FBLN1: variants seen among roughly 807,000 people sequenced by gnomAD.
The protein encoded by FBLN1 is fibulin-1.
Under a neutral mutation model 89.7 loss-of-function variants are expected in FBLN1, and 34 were observed. The ratio of observed to expected loss-of-function variants is 0.38; its 90% confidence interval spans 0.29 to 0.50. The LOEUF (loss-of-function observed/expected upper bound fraction) is 0.50. Among genes scored for constraint, FBLN1 ranks in the 20% least tolerant of loss-of-function variants. The pLI is 0.92. For missense variants in FBLN1, 777 were observed against 988.1 expected (o/e 0.79, Z 2.86); for synonymous variants, 393 against 391.3 (o/e 1.00, Z -0.05).
intron 2 of FBLN1, among the ~76,000 whole-genome samples, chr22:45,522,559 C>A (rs2146955595): frequency 6.6e-6 from 1 of 152,288 alleles, no homozygotes. Flanking sequence ...CTCTCCGCAA[C>A]CATGGGCTGT....
intron 3 of FBLN1, 98 bp downstream of exon 3, chr22:45,525,776 C>A: frequency 6.9e-7 from 1 of 1,458,990 alleles, no homozygotes; most frequent in Middle Eastern, 1.9e-4. Context: ...GCGCTCCCTG[C>A]CTCAGGCCAC....
intron 14 of FBLN1, among the ~76,000 whole-genome samples, chr22:45,570,493 A>G (rs1355073659): frequency 6.6e-6 from 1 of 152,086 alleles, no homozygotes; most frequent in Non-Finnish European, 1.5e-5. Context: ...ATACTAAACT[A>G]GATGGAACAC....
intron 1 of FBLN1, among the ~76,000 whole-genome samples, chr22:45,508,310 C>T (rs189002590): frequency 1.6e-5 from 1 of 63,084 alleles, no homozygotes; most frequent in South Asian, 5.3e-4. Context: ...CGGAGTCTTG[C>T]ACTGTCTGGG....
At chr22:45,528,224 G>A (rs977812124) in intron 4 of FBLN1, among the ~76,000 whole-genome samples, 2 of 152,220 alleles carry the variant, frequency 1.3e-5, no homozygotes, top group East Asian at 1.9e-4. Context: ...CTGGCAGAAC[G>A]CCGCCTTTCC....
At position 45,532,926 on chromosome 22, in the gene FBLN1, G is replaced by A; in HGVS notation, c.545-137G>A. 6.7e-6 allele frequency: 5 copies of A among 741,146 alleles called. No homozygotes were observed. The South Asian group carries it at 7.9e-5, about 12-fold the overall frequency. 45.9% of individuals were successfully genotyped at this position (741,146 alleles called of 1,614,324 possible). ...GGGGTCTCCCAGTAGGGCAGCAGGT[G>A]GGCTCCAGCCAGGTCAGCCTGCCTT... is the stretch of plus-strand genomic sequence containing the variant. On this transcript the variant is annotated intron_variant, in intron 5 of 16. Transcript: ENST00000327858. The surrounding 1 kb of genome is among the most constrained non-coding windows in gnomAD (Gnocchi z 4.2).
chr22:45,586,340 G>T (rs1287546732), intron 16 of FBLN1, among the ~76,000 whole-genome samples: 2 of 152,220 alleles, frequency 1.3e-5, no homozygotes, highest in African/African-American at 4.8e-5. Flanking sequence ...GAGACAGCAT[G>T]GTGGGGAGAG....
At position 45,581,974 on chromosome 22, in the gene FBLN1, G is replaced by A. The variant is rs996963502; in HGVS notation, c.1972+4866G>A. Reference sequence around the variant, plus strand: ...CCTGGGGACCACGGGAGCCACGGGAGGTCTGTGCTGCCCATGGAGCTTCCA... The same window carrying A: ...CCTGGGGACCACGGGAGCCACGGGAAGTCTGTGCTGCCCATGGAGCTTCCA... On this transcript the variant is annotated intron_variant, in intron 16 of 16. Transcript: ENST00000327858. The surrounding 1 kb of genome is among the most constrained non-coding windows in gnomAD (Gnocchi z 7.6). Among the ~76,000 whole-genome samples the A allele has an allele frequency of 6.6e-6, 1 of 152,186 alleles. No individual in the cohort carries two copies. The highest frequency in any genetic ancestry group is 2.4e-5 in the African/African-American group (1 of 41,446).
At position 45,535,308 on chromosome 22, in the gene FBLN1, T is replaced by A. The variant is rs1298580937; in HGVS notation, c.893T>A (p.Phe298Tyr). Reference sequence around the variant, plus strand: ...CCCAAGCTACAGTGCAAGAGTGGCTTTATACAAGATGCTCTAGGCAACTGT... The same window carrying A: ...CCCAAGCTACAGTGCAAGAGTGGCTATATACAAGATGCTCTAGGCAACTGT... ...CRPKLQCKSG[F>Y]IQDALGNCID... The change falls in exon 8 of 17, where the codon TTT (phenylalanine) becomes TAT (tyrosine). Residue 298 changes from phenylalanine to tyrosine, a missense_variant. Physicochemically the swap from Phe to Tyr is conservative, Grantham distance 22. Transcript: ENST00000327858. 6.2e-7 allele frequency: 1 copy of A among 1,614,254 alleles called. No homozygotes were observed. Among genetic ancestry groups the A allele is most frequent in the South Asian group, 1.1e-5 (1 of 91,090 alleles).
chr22:45,541,480 A>T lies in FBLN1; in HGVS notation c.1066+108A>T, dbSNP rs955351983. On this transcript the variant is annotated intron_variant, in intron 9 of 16. Coordinates refer to ENST00000327858, the MANE Select transcript of FBLN1 (RefSeq NM_006486.3). ...TGATCCCCAAAGCAAAGCCATTTCTATCAGCCCATCCATCCCACTGTCAGT... is the reference window on the plus strand; with the variant it reads ...TGATCCCCAAAGCAAAGCCATTTCTTTCAGCCCATCCATCCCACTGTCAGT... 23 of 1,392,512 alleles carry T rather than the reference A, an allele frequency of 1.7e-5. No homozygotes were observed. The South Asian group carries it at 2.7e-4, about 16-fold the overall frequency. The allele number at this position is 1,392,512 out of a possible 1,614,324, so 86.3% of individuals were successfully genotyped here.
intron 16 of FBLN1, among the ~76,000 whole-genome samples, chr22:45,596,928 A>G (rs2089192523): frequency 6.7e-6 from 1 of 149,176 alleles, no homozygotes; most frequent in Non-Finnish European, 1.5e-5. Context: ...TTTTTAATAT[A>G]TTGTTTTATA....
At chr22:45,526,887 C>G (rs1270344788) in intron 3 of FBLN1, among the ~76,000 whole-genome samples, 1 of 152,176 alleles carries the variant, frequency 6.6e-6, no homozygotes, top group South Asian at 2.1e-4. Flanking sequence ...CGGTCCGGCA[C>G]ACAGCTGTGC....
At chr22:45,564,368 C>T (rs2088882571) in intron 14 of FBLN1, among the ~76,000 whole-genome samples, 1 of 152,236 alleles carries the variant, frequency 6.6e-6, no homozygotes, top group African/African-American at 2.4e-5. Flanking sequence ...GGGTTAAGGC[C>T]TCCAGATCCT....
intron 1 of FBLN1, among the ~76,000 whole-genome samples, chr22:45,517,115 AC>A (rs2088180084): frequency 6.6e-6 from 1 of 152,142 alleles, no homozygotes; most frequent in Admixed American, 6.5e-5. Flanking sequence ...CCTCTGGGCC[AC>A]CCCGAGGGCC....
intron 1 of FBLN1, among the ~76,000 whole-genome samples, chr22:45,503,816 T>G (rs1438985319): frequency 3.3e-5 from 5 of 152,138 alleles, no homozygotes; most frequent in Admixed American, 3.3e-4. Context: ...ATCTGATCGA[T>G]GGCCCAGACC....
chr22:45,517,276 G>T (rs2088182169), intron 1 of FBLN1: 2 of 304,572 alleles, frequency 6.6e-6, no homozygotes, highest in African/African-American at 2.3e-5. Context: ...GTAACATCCT[G>T]CCGAGAGGTG....
In FBLN1 at chr22:45,550,406, A is replaced by T; in HGVS notation, c.1574-86A>T. 3 of 1,599,948 alleles carry T rather than the reference A, an allele frequency of 1.9e-6. No homozygotes were observed. Among genetic ancestry groups the T allele is most frequent in the Non-Finnish European group, 2.6e-6 (3 of 1,170,450 alleles). On this transcript the variant is annotated intron_variant, in intron 13 of 16. Transcript: ENST00000327858. This position sits in a 1 kb window ranked among gnomAD's most constrained non-coding sequence, Gnocchi z 8.4. Reference sequence around the variant, plus strand: ...TGATCGCCACCCCTAACCCTAGTTGATGGGAGGCCTGGGCTCCTCCGTCTC... The same window carrying T: ...TGATCGCCACCCCTAACCCTAGTTGTTGGGAGGCCTGGGCTCCTCCGTCTC...
At position 45,534,292 on chromosome 22, in the gene FBLN1, C is replaced by CAAAAAAAAAAAA. The variant is rs136746; in HGVS notation, c.784+411_784+422dup. ...TTCAGGTTCTCACATGTACTTTCTA[C>CAAAAAAAAAAAA]AAAAAAAAAAAAAAAAAAAAAAAAA... On this transcript the variant is annotated intron_variant, in intron 7 of 16. Coordinates refer to ENST00000327858, the MANE Select transcript of FBLN1 (RefSeq NM_006486.3). Among the ~76,000 whole-genome samples the CAAAAAAAAAAAA allele has an allele frequency of 6.6e-4, 55 of 83,234 alleles. 1 individual carries two copies. Among genetic ancestry groups the CAAAAAAAAAAAA allele is most frequent in the Non-Finnish European group, 8.1e-4 (38 of 46,778 alleles). The allele number at this position is 83,234 out of a possible 152,430, so 54.6% of individuals were successfully genotyped here. A position where few individuals can be genotyped will look rare whatever the true frequency, so the allele number is the denominator to read the frequency against.
chr22:45,537,373 C>T lies in FBLN1; in HGVS notation c.922+2036C>T, dbSNP rs1271295363. 1.3e-5 allele frequency among the ~76,000 whole-genome samples: 2 copies of T among 152,154 alleles called. No individual in the cohort carries two copies. Among genetic ancestry groups the T allele is most frequent in the African/African-American group, 2.4e-5 (1 of 41,440 alleles). ...GTGACTCACGCCTGTAATTCTGGTA[C>T]TTTGGGAGGCCAAGGCGGGTGGATC... is the stretch of plus-strand genomic sequence containing the variant. On this transcript the variant is annotated intron_variant, in intron 8 of 16. Coordinates refer to ENST00000327858, the MANE Select transcript of FBLN1 (RefSeq NM_006486.3). This position sits in a 1 kb window ranked among gnomAD's most constrained non-coding sequence, Gnocchi z 5.7.
At chr22:45,567,852 G>T (rs2088912357) in intron 14 of FBLN1, among the ~76,000 whole-genome samples, 1 of 152,154 alleles carries the variant, frequency 6.6e-6, no homozygotes, top group Non-Finnish European at 1.5e-5. Context: ...TAATCAACAG[G>T]TATCCCCAGA....
Sources: allele counts gnomAD v4.1 joint callset (sites outside exome capture counted in the v4.1 genomes callset), GRCh38; gene constraint gnomAD v4.1.1; non-coding constraint Gnocchi (gnomAD v3.1); transcripts MANE v1.5; gene names NCBI Gene and HGNC (gene_info 2026-07-23, HGNC 2026-07-21).